The following EYS variants were observed in gnomAD, a reference collection of about 807,000 sequenced individuals.
The protein encoded by EYS is EGF-like photoreceptor maintenance factor.
EYS carries 250 observed loss-of-function variants against 282.1 expected under a neutral mutation model. The ratio of observed to expected loss-of-function variants is 0.89; its 90% CI spans 0.80 to 0.98. The LOEUF (loss-of-function observed/expected upper bound fraction) is 0.98, where lower values mean the gene tolerates loss of function less well. Among genes scored for constraint, EYS ranks in the 50% least tolerant of loss-of-function variants. The probability of loss-of-function intolerance (pLI) is 0.00; values close to 1 mark genes in which losing one functional copy is unlikely to be tolerated. For missense variants in EYS, 4,016 were observed against 3,709.0 expected, an observed-to-expected ratio of 1.08 and a Z score of -2.15; for synonymous variants, 1,355 against 1,282.9, an observed-to-expected ratio of 1.06 and a Z score of -1.20.
intron 36 of EYS, among the ~76,000 whole-genome samples, chr6:63,823,360 A>G (rs932342162): frequency 7.2e-5 from 11 of 152,166 alleles, no homozygotes; most frequent in Non-Finnish European, 1.3e-4. Flanking sequence ...ACAAATGTGC[A>G]TTATTGTGGT....
chr6:64,441,274 A>C (rs188811203), intron 26 of EYS, among the ~76,000 whole-genome samples: 1 of 152,316 alleles, frequency 6.6e-6, no homozygotes, highest in Admixed American at 6.5e-5. Context: ...CACTATTGAC[A>C]TCTCAGCTGG....
intron 31 of EYS, among the ~76,000 whole-genome samples, chr6:64,134,336 G>T (rs1452483872): frequency 6.6e-6 from 1 of 151,830 alleles, no homozygotes; most frequent in African/African-American, 2.4e-5. Flanking sequence ...ATGGAAAAAT[G>T]ATTTAGTATT....
At chr6:65,595,898 G>A (rs1582498322) in intron 2 of EYS, among the ~76,000 whole-genome samples, 1 of 152,024 alleles carries the variant, frequency 6.6e-6, no homozygotes, top group South Asian at 2.1e-4. Flanking sequence ...TTACTTTTGA[G>A]ATTAAGTTAT....
chr6:64,840,116 T>G (rs149281729), intron 19 of EYS, among the ~76,000 whole-genome samples: 1 of 152,216 alleles, frequency 6.6e-6, no homozygotes, highest in African/African-American at 2.4e-5. Flanking sequence ...GATTAAGAAC[T>G]TTGCTTTTGC....
rs562764362 is a variant in EYS at position 63,945,214 on chromosome 6, G to A, written c.7055+39169C>T. On this transcript the variant is annotated intron_variant, in intron 35 of 42. Transcript: ENST00000503581. Reference sequence around the variant, plus strand: ...GAGGCCTCAAAAAACTTACATTCACGGTGGAAGGGGAACACATCCTTCTCC... The same window carrying A: ...GAGGCCTCAAAAAACTTACATTCACAGTGGAAGGGGAACACATCCTTCTCC... Among the ~76,000 whole-genome samples the A allele has an allele frequency of 3.3e-5, 5 of 152,164 alleles. No individual in the cohort carries two copies. In the East Asian group the frequency reaches 9.7e-4, roughly 29 times the overall value.
At chr6:63,753,302 A>G (rs1562009857) in intron 41 of EYS, among the ~76,000 whole-genome samples, 1 of 151,818 alleles carries the variant, frequency 6.6e-6, no homozygotes, top group Non-Finnish European at 1.5e-5. Flanking sequence ...GCTTATTTAC[A>G]GAAGGTTTTG....
intron 31 of EYS, among the ~76,000 whole-genome samples, chr6:64,095,818 G>A (rs1246567952): frequency 6.6e-6 from 1 of 152,078 alleles, no homozygotes; most frequent in Non-Finnish European, 1.5e-5. Context: ...TGCTTATTTT[G>A]CTCATTAGTT....
chr6:64,730,567 C>A (rs1475032258), intron 22 of EYS, among the ~76,000 whole-genome samples: 1 of 152,154 alleles, frequency 6.6e-6, no homozygotes, highest in East Asian at 1.9e-4. Context: ...CAACCTCAGC[C>A]TCCCAGGTTC....
chr6:65,007,879 G>A (rs1771733492), intron 13 of EYS, among the ~76,000 whole-genome samples: 1 of 152,176 alleles, frequency 6.6e-6, no homozygotes, highest in Non-Finnish European at 1.5e-5. Flanking sequence ...ACAAGAGTTA[G>A]GGCAATCCTT....
chr6:64,139,000 T>C (rs1240635801), intron 31 of EYS, among the ~76,000 whole-genome samples: 2 of 152,030 alleles, frequency 1.3e-5, no homozygotes, highest in Non-Finnish European at 2.9e-5. Flanking sequence ...CAGGCATAAT[T>C]GGGTTAATAG....
At chr6:65,166,611 A>T (rs1764977727) in intron 12 of EYS, among the ~76,000 whole-genome samples, 1 of 151,250 alleles carries the variant, frequency 6.6e-6, no homozygotes, top group African/African-American at 2.4e-5. Context: ...TAAACCTATA[A>T]AACTTTTAGA....
At chr6:65,125,933 C>T (rs1246021306) in intron 12 of EYS, among the ~76,000 whole-genome samples, 3 of 152,038 alleles carry the variant, frequency 2.0e-5, no homozygotes, top group African/African-American at 4.8e-5. Context: ...TACATCTGAA[C>T]CAAACTGTGG....
At chr6:64,649,152 T>C (rs1931856) in intron 22 of EYS, among the ~76,000 whole-genome samples, 97,306 of 152,078 alleles carry the variant, frequency 0.64, 31,367 homozygotes, top group African/African-American at 0.71. Flanking sequence ...TTTCCTGTTA[T>C]GTTTGAAATT....
At chr6:63,819,366 G>A (rs1771263526) in intron 36 of EYS, among the ~76,000 whole-genome samples, 1 of 152,198 alleles carries the variant, frequency 6.6e-6, no homozygotes, top group Admixed American at 6.5e-5. Context: ...CCTTTTGGGT[G>A]CCAAAAGCCT....
Position 65,540,689 on chromosome 6 carries a change from C to T in EYS, c.-332-44696G>A, listed in dbSNP as rs193018760. On this transcript the variant is annotated intron_variant, in intron 2 of 42. Coordinates refer to ENST00000503581, the MANE Select transcript of EYS (RefSeq NM_001142800.2). ...ATCCCAGCACTTTGGGAGGCCGAGG[C>T]GGGCAGATTACCTGAGGTCAGGAGT... Among the ~76,000 whole-genome samples the T allele has an allele frequency of 1.5e-3, 234 of 152,152 alleles. 1 individual carries two copies. The highest frequency in any genetic ancestry group is 5.3e-3 in the African/African-American group (220 of 41,512).
intron 7 of EYS, among the ~76,000 whole-genome samples, chr6:65,391,349 T>C (rs944538574): frequency 6.6e-6 from 1 of 152,090 alleles, no homozygotes; most frequent in Non-Finnish European, 1.5e-5. Flanking sequence ...GAAACTGAAG[T>C]TAAAAACTAT....
At chr6:63,848,829 A>G (rs140008030) in intron 36 of EYS, among the ~76,000 whole-genome samples, 47 of 152,186 alleles carry the variant, frequency 3.1e-4, no homozygotes, top group Middle Eastern at 6.8e-3. Flanking sequence ...CCCCAGCGAG[A>G]CAGAACTGTT....
At chr6:65,573,732 G>T (rs1327917930) in intron 2 of EYS, among the ~76,000 whole-genome samples, 1 of 152,130 alleles carries the variant, frequency 6.6e-6, no homozygotes, top group Non-Finnish European at 1.5e-5. Context: ...AATTCTTGCA[G>T]TATATGCCCA....
chr6:64,315,038 AAAG>A (rs1399398447), intron 29 of EYS, among the ~76,000 whole-genome samples: 1 of 152,070 alleles, frequency 6.6e-6, no homozygotes, highest in Non-Finnish European at 1.5e-5. Context: ...CCAGACTGAT[AAAG>A]AAGAAAAGAG....
Sources: allele counts gnomAD v4.1 joint callset (sites outside exome capture counted in the v4.1 genomes callset), GRCh38; gene constraint gnomAD v4.1.1; transcripts MANE v1.5; gene names NCBI Gene and HGNC (gene_info 2026-07-23, HGNC 2026-07-21).